The following NARF variants were observed in gnomAD, a reference collection of about 807,000 sequenced individuals.
The protein encoded by NARF is iron-only hydrogenase-like protein 2.
Under a neutral mutation model 48.0 loss-of-function variants are expected in NARF, and 41 were observed. The ratio of observed to expected loss-of-function variants is 0.85; its 90% CI spans 0.66 to 1.11. The LOEUF (loss-of-function observed/expected upper bound fraction) is 1.11, where lower values mean the gene tolerates loss of function less well. Ranked by LOEUF, NARF falls within the 50% of genes least tolerant of loss-of-function variation. The pLI, the probability that NARF is intolerant of heterozygous loss-of-function variation, is 0.00. For missense variants in NARF, 613 were observed against 590.2 expected (o/e 1.04, Z -0.40); for synonymous variants, 215 against 225.5 (o/e 0.95, Z 0.42).
intron 10 of NARF, among the ~76,000 whole-genome samples, chr17:82,486,070 G>A (rs562389421): frequency 4.1e-4 from 63 of 152,308 alleles, no homozygotes; most frequent in African/African-American, 1.5e-3. Context: ...AAGCGGGAAG[G>A]GGTGTGACCC....
At chr17:82,487,873 A>T (rs1232106994) in intron 10 of NARF, 43 bp from the exon 11 acceptor site, 5 of 1,603,108 alleles carry the variant, frequency 3.1e-6, no homozygotes, top group Non-Finnish European at 4.3e-6. Flanking sequence ...AGGCAGAAAG[A>T]TCGCCTGAGC....
At chr17:82,469,902 C>G (rs2043658461) in intron 4 of NARF, among the ~76,000 whole-genome samples, 1 of 149,754 alleles carries the variant, frequency 6.7e-6, no homozygotes, top group African/African-American at 2.4e-5. Flanking sequence ...CCGTGCCTGG[C>G]CAAGAGTTTT....
chr17:82,464,610 G>A (rs1009680512), intron 3 of NARF, among the ~76,000 whole-genome samples, 180 bp downstream of exon 3: 2 of 152,126 alleles, frequency 1.3e-5, no homozygotes, highest in African/African-American at 2.4e-5. Context: ...CAAAATCCCC[G>A]CACAATTTCC....
intron 10 of NARF, 21 bp downstream of exon 10, chr17:82,485,675 C>T (rs753495558): frequency 1.2e-6 from 2 of 1,612,960 alleles, no homozygotes; most frequent in Non-Finnish European, 1.7e-6. Context: ...AAGAGCAGCA[C>T]CTGGCTCTGT....
chr17:82,458,909 G>T, intron 1 of NARF, 79 bp downstream of exon 1: 1 of 1,284,396 alleles, frequency 7.8e-7, no homozygotes, highest in Non-Finnish European at 9.8e-7. Context: ...GGCGGTCCGG[G>T]CCCGCCGCTC....
chr17:82,484,685 A>T, intron 8 of NARF, 128 bp from the exon 9 acceptor site: 1 of 1,170,714 alleles, frequency 8.5e-7, no homozygotes, highest in South Asian at 1.7e-5. Flanking sequence ...AAGTTTAAAC[A>T]TCTGTACAGG....
At chr17:82,484,971 CCTGT>C in intron 9 of NARF, 21 bp downstream of exon 9, 1 of 1,577,934 alleles carries the variant, frequency 6.3e-7, no homozygotes, top group Non-Finnish European at 8.6e-7. Flanking sequence ...GTATCCACAG[CCTGT>C]CTGTGCCTGT....
At chr17:82,484,556 C>G (rs766702978) in intron 8 of NARF, 1 of 361,174 alleles carries the variant, frequency 2.8e-6, no homozygotes, top group Non-Finnish European at 5.0e-6. Flanking sequence ...CCATAAGCAT[C>G]TGGAGCACCT....
intron 2 of NARF, chr17:82,463,802 CAG>C (rs756723631): frequency 6.4e-6 from 1 of 155,836 alleles, no homozygotes; most frequent in Non-Finnish European, 1.4e-5. Context: ...AGTGCAAACC[CAG>C]AGCCAGCACT....
intron 7 of NARF, chr17:82,482,514 GTTT>G (rs1240352765): frequency 7.7e-6 from 1 of 130,678 alleles, no homozygotes; most frequent in Non-Finnish European, 1.5e-5. Context: ...TCTTACCTGT[GTTT>G]CCAGCCATCT....
chr17:82,464,205 T>C (rs1448630607), intron 2 of NARF, 82 bp from the exon 3 acceptor site: 6 of 1,509,802 alleles, frequency 4.0e-6, no homozygotes. Flanking sequence ...CTGTGAATTC[T>C]GTATATGGGT....
chr17:82,469,493 GA>G (rs1567933606), intron 4 of NARF, among the ~76,000 whole-genome samples: 2 of 152,212 alleles, frequency 1.3e-5, no homozygotes, highest in South Asian at 2.1e-4. Context: ...TTTGCTTATA[GA>G]GGGGCTTTTA....
In NARF at chr17:82,464,300, A is replaced by G. The variant is rs775625815; in HGVS notation, c.122A>G (p.His41Arg). 1.2e-6 allele frequency: 2 copies of G among 1,613,472 alleles called. No homozygotes were observed. Among genetic ancestry groups the G allele is most frequent in the African/African-American group, 1.3e-5 (1 of 75,036 alleles). ...CATCTTTCATAGAAGGGAGAATTCC[A>G]CAAGTTGGCTGATGCCAAGATATTT... ...AQENGEKGEF[H>R]KLADAKIFLS... Residue 41 changes from histidine (H) to arginine (R), a missense_variant, in exon 3 of 11, where the codon CAC becomes CGC. Transcript: ENST00000309794.
At chr17:82,473,602 C>T (rs2043767555) in intron 5 of NARF, among the ~76,000 whole-genome samples, 1 of 151,902 alleles carries the variant, frequency 6.6e-6, no homozygotes, top group South Asian at 2.1e-4. Context: ...CTGCCTGCCT[C>T]GGCCTCCCAA....
At chr17:82,469,488 T>C (rs1056671231) in intron 4 of NARF, among the ~76,000 whole-genome samples, 1 of 152,214 alleles carries the variant, frequency 6.6e-6, no homozygotes, top group Admixed American at 6.5e-5. Flanking sequence ...CTCCATTTGC[T>C]TATAGAGGGG....
chr17:82,470,774 G>A (rs2143869791), intron 4 of NARF, among the ~76,000 whole-genome samples: 2 of 152,208 alleles, frequency 1.3e-5, no homozygotes, highest in African/African-American at 2.4e-5. Context: ...GATTCCAGGG[G>A]TGAGCCACCG....
Position 82,472,555 on chromosome 17 carries a change from C to CT in NARF, c.386-8dup. 6.2e-7 allele frequency: 1 copy of CT among 1,607,128 alleles called. No homozygotes were observed. The highest frequency in any genetic ancestry group is 8.5e-7 in the Non-Finnish European group (1 of 1,176,902). On this transcript the variant is annotated splice_polypyrimidine_tract_variant and intron_variant, in intron 4 of 10. Transcript: ENST00000309794. ...TGATTTAAGCTGAATATGCTCCTCT[C>CT]TCCTGCAGGGGTGCACTATGTATTT...
At chr17:82,486,851 T>C (rs1009236002) in intron 10 of NARF, among the ~76,000 whole-genome samples, 3 of 152,230 alleles carry the variant, frequency 2.0e-5, no homozygotes, top group African/African-American at 4.8e-5. Context: ...CTTACACTAC[T>C]AAGAGTGACA....
chr17:82,474,335 C>T (rs973573174), intron 5 of NARF, among the ~76,000 whole-genome samples: 3 of 152,190 alleles, frequency 2.0e-5, no homozygotes, highest in East Asian at 1.9e-4. Flanking sequence ...ACTCTCAGGG[C>T]GCACTGTTTA....
Sources: allele counts gnomAD v4.1 joint callset (sites outside exome capture counted in the v4.1 genomes callset), GRCh38; gene constraint gnomAD v4.1.1; transcripts MANE v1.5; gene names NCBI Gene and HGNC (gene_info 2026-07-23, HGNC 2026-07-21).